The following WDFY3 variants were observed in gnomAD, a reference collection of about 807,000 sequenced individuals.
WDFY3 encodes WD repeat and FYVE domain-containing protein 3.
Under a neutral mutation model 409.6 loss-of-function variants are expected in WDFY3, and 66 were observed. That is an observed-to-expected ratio of 0.16 (90% CI 0.13 to 0.20). The LOEUF (loss-of-function observed/expected upper bound fraction) is 0.20, where lower values mean the gene tolerates loss of function less well. WDFY3 is among the 10% of genes least tolerant of loss of function. The pLI is 1.00. For synonymous variants in WDFY3, 1,521 were observed against 1,537.1 expected, an observed-to-expected ratio of 0.99 and a Z score of 0.25; for missense variants, 3,031 against 4,298.1, an observed-to-expected ratio of 0.71 and a Z score of 8.24.
At chr4:84,730,196 C>A (rs1736355666) in intron 44 of WDFY3, among the ~76,000 whole-genome samples, 1 of 152,044 alleles carries the variant, frequency 6.6e-6, no homozygotes, top group African/African-American at 2.4e-5. Context: ...TTAGAGAGCC[C>A]TCTCCTTAAA....
At position 84,789,706 on chromosome 4, in the gene WDFY3, A is replaced by T. The variant is rs1748173015; in HGVS notation, c.3669+20T>A. 1 of 1,612,476 alleles carries T rather than the reference A, an allele frequency of 6.2e-7. No homozygotes were observed. The highest frequency in any genetic ancestry group is 1.7e-5 in the Admixed American group (1 of 59,950). ...ACTACCTTATAAAACAGGTAGATTT[A>T]CAAGTGCACATACACTTACCTTTAC... On this transcript the variant is annotated intron_variant, in intron 22 of 67. Transcript: ENST00000295888.
At chr4:84,748,112 C>A (rs1297866082) in intron 36 of WDFY3, among the ~76,000 whole-genome samples, 3 of 152,056 alleles carry the variant, frequency 2.0e-5, no homozygotes, top group Non-Finnish European at 2.9e-5. Context: ...TTATTTGCAG[C>A]AAATTCATTT....
chr4:84,774,923 G>A lies in WDFY3; in HGVS notation c.4651C>T (p.Leu1551=). 1 of 1,613,968 alleles carries A rather than the reference G, an allele frequency of 6.2e-7. No homozygotes were observed. Among genetic ancestry groups the A allele is most frequent in the Non-Finnish European group, 8.5e-7 (1 of 1,179,920 alleles). ...GATAAAGACATATCTCGAAGAGTCAGGAGCAGCTTTGGGATTAACTGGAAT... is the reference window on the plus strand; with the variant it reads ...GATAAAGACATATCTCGAAGAGTCAAGAGCAGCTTTGGGATTAACTGGAAT... The part of the protein sequence containing the change: ...REFQLIPKLL[L]TLRDMSLSQP... Residue 1551 remains leucine, a synonymous_variant, in exon 29 of 68, where the codon CTG becomes TTG. Transcript: ENST00000295888.
Position 84,935,113 on chromosome 4 carries a change from C to T in WDFY3, c.-225-2750G>A, listed in dbSNP as rs377687216. 2.6e-5 allele frequency among the ~76,000 whole-genome samples: 4 copies of T among 152,088 alleles called. No homozygotes were observed. The South Asian group carries it at 6.2e-4, about 24-fold the overall frequency. ...ACAAATATATCACAATTTAATTATCCGTTCTCTTGTCAATAGCTTATTTTC... is the reference window on the plus strand; with the variant it reads ...ACAAATATATCACAATTTAATTATCTGTTCTCTTGTCAATAGCTTATTTTC... On this transcript the variant is annotated intron_variant, in intron 1 of 67. Coordinates refer to ENST00000295888, the MANE Select transcript of WDFY3 (RefSeq NM_014991.6).
Position 84,831,395 on chromosome 4 carries a change from A to G in WDFY3, c.769+18T>C, listed in dbSNP as rs2149928717. 1 of 1,531,764 alleles carries G rather than the reference A, an allele frequency of 6.5e-7. No homozygotes were observed. Among genetic ancestry groups the G allele is most frequent in the Non-Finnish European group, 8.8e-7 (1 of 1,136,850 alleles). 94.9% of individuals were successfully genotyped at this position (1,531,764 alleles called of 1,614,324 possible). On this transcript the variant is annotated intron_variant, in intron 8 of 67. Transcript: ENST00000295888. ...TGGAAGAAATTTAGAACACTTAAAT[A>G]TATAAAGAGATATTCACCATGAATA...
chr4:84,927,968 G>A (rs891580587), intron 2 of WDFY3, among the ~76,000 whole-genome samples: 20 of 152,312 alleles, frequency 1.3e-4, no homozygotes, highest in Middle Eastern at 6.8e-3. Flanking sequence ...AAACCAGGTG[G>A]TATGGAATTT....
At chr4:84,895,355 A>G (rs547299982) in intron 3 of WDFY3, among the ~76,000 whole-genome samples, 50 of 152,374 alleles carry the variant, frequency 3.3e-4, no homozygotes, top group African/African-American at 1.2e-3. Flanking sequence ...GCAGTTAACT[A>G]TCAATAGAGA....
At chr4:84,795,142 T>C (rs912415397) in intron 19 of WDFY3, among the ~76,000 whole-genome samples, 163 bp from the exon 20 acceptor site, 3 of 152,166 alleles carry the variant, frequency 2.0e-5, no homozygotes, top group Non-Finnish European at 4.4e-5. Flanking sequence ...CTTTTAATTA[T>C]GTAAGGGTAT....
At chr4:84,712,373 T>TAAAAAAAAAAAAAAAAAA (rs998951453) in intron 51 of WDFY3, among the ~76,000 whole-genome samples, 1 of 75,094 alleles carries the variant, frequency 1.3e-5, no homozygotes, top group African/African-American at 5.0e-5. Flanking sequence ...AGAAAAAAAT[T>TAAAAAAAAAAAAAAAAAA]AAAAAAAAAA....
intron 21 of WDFY3, among the ~76,000 whole-genome samples, chr4:84,790,861 A>G (rs760613430): frequency 6.6e-6 from 1 of 152,290 alleles, no homozygotes; most frequent in South Asian, 2.1e-4. Flanking sequence ...AAAATGCTCA[A>G]TGTTACTAAT....
rs760039423 is a variant in WDFY3 at position 84,736,185 on chromosome 4, G to A, written c.6900C>T (p.His2300=). The A allele has an allele frequency of 1.2e-5, 19 of 1,611,244 alleles. No homozygotes were observed. In the South Asian group the frequency reaches 2.0e-4, roughly 17 times the overall value. ...AAAAAAGTACCTGGGTGGAAAGACT[G>A]TGTTTATTAAGACCACTTTCTTTTC... is the stretch of plus-strand genomic sequence containing the variant. ...RNRKESGLNK[H]SLSTQEISQW... The change falls in exon 42 of 68, where the codon CAC becomes CAT. Residue 2300 remains histidine (H), a synonymous_variant. Transcript: ENST00000295888.
chr4:84,865,276 GTTAT>G (rs1467481598), intron 3 of WDFY3, among the ~76,000 whole-genome samples: 1 of 152,092 alleles, frequency 6.6e-6, no homozygotes, highest in Non-Finnish European at 1.5e-5. Context: ...TTGCAATATG[GTTAT>G]TTAATATTTT....
chr4:84,774,458 T>C (rs1488457930), intron 29 of WDFY3, among the ~76,000 whole-genome samples: 2 of 152,220 alleles, frequency 1.3e-5, no homozygotes, highest in Non-Finnish European at 2.9e-5. Context: ...ACCCACTATT[T>C]AGGAGTGTGT....
At chr4:84,939,501 G>A (rs1015540560) in intron 1 of WDFY3, among the ~76,000 whole-genome samples, 6 of 151,856 alleles carry the variant, frequency 4.0e-5, no homozygotes, top group African/African-American at 7.3e-5. Context: ...TATCTACTAC[G>A]CTAGCTACAA....
intron 3 of WDFY3, chr4:84,886,615 C>G (rs1199271404): frequency 2.0e-5 from 3 of 151,604 alleles, no homozygotes; most frequent in African/African-American, 7.3e-5. Flanking sequence ...TAGCAAGTAA[C>G]ATGAAAAATA....
chr4:84,795,115 C>T (rs192382163), intron 19 of WDFY3, 136 bp from the exon 20 acceptor site: 6 of 508,794 alleles, frequency 1.2e-5, no homozygotes, highest in African/African-American at 6.0e-5. Flanking sequence ...CTGGATGCCT[C>T]GCAAAGCCCT....
intron 42 of WDFY3, 110 bp downstream of exon 42, chr4:84,736,060 T>C (rs1438354397): frequency 1.6e-6 from 2 of 1,274,556 alleles, no homozygotes; most frequent in Admixed American, 2.9e-5. Context: ...TCTATCTCTA[T>C]TCTAAAGCAA....
intron 56 of WDFY3, among the ~76,000 whole-genome samples, chr4:84,700,118 T>A (rs558170445): frequency 4.6e-5 from 7 of 152,192 alleles, no homozygotes; most frequent in Non-Finnish European, 7.3e-5. Flanking sequence ...TTTAAGAATA[T>A]ATTGCCAAAT....
rs1478535292 is a variant in WDFY3, at chr4:84,871,185, A to T, written c.-31-10563T>A. Among the ~76,000 whole-genome samples the T allele has an allele frequency of 2.0e-5, 3 of 152,308 alleles. No homozygotes were observed. The East Asian group carries it at 5.8e-4, about 29-fold the overall frequency. On this transcript the variant is annotated intron_variant, in intron 3 of 67. Transcript: ENST00000295888. Reference sequence around the variant, plus strand: ...TGTAGGCATATTATATTCAAACTGCAGTGAATCAAACATAAAGAGAAAATC... The same window carrying T: ...TGTAGGCATATTATATTCAAACTGCTGTGAATCAAACATAAAGAGAAAATC...
Sources: gnomAD v4.1 joint callset for allele counts (sites outside exome capture counted in the v4.1 genomes callset) on GRCh38, gnomAD v4.1.1 for gene constraint, MANE v1.5 for transcripts, NCBI Gene and HGNC (gene_info 2026-07-23, HGNC 2026-07-21) for gene names.